ZFP14: variants seen among roughly 807,000 people sequenced by gnomAD.
The protein encoded by ZFP14 is ZFP14 zinc finger protein.
ZFP14 carries 22 observed loss-of-function variants against 54.5 expected under a neutral mutation model. The observed-to-expected ratio is 0.40, with a 90% confidence interval of 0.29 to 0.58. The LOEUF is 0.58. Ranked by LOEUF, ZFP14 falls within the 20% of genes least tolerant of loss-of-function variation. ZFP14 has a pLI of 0.39. For synonymous variants in ZFP14, 159 were observed against 204.0 expected (o/e 0.78, Z 1.88); for missense variants, 470 against 637.8 (o/e 0.74, Z 2.83).
chr19:36,378,361 A>G (rs544436342), intron 1 of ZFP14: 1 of 152,372 alleles, frequency 6.6e-6, no homozygotes, highest in Admixed American at 6.5e-5. Flanking sequence ...ATGCCATTTT[A>G]CAACTACTGC....
rs1451583522 is a variant in ZFP14, at chr19:36,334,794, T to C, written c.*5430A>G. ...TGAGAATTCCACAATAAATTTGAGATACACTCAGTTAAATAAAAATGTCTT... is the reference window on the plus strand; with the variant it reads ...TGAGAATTCCACAATAAATTTGAGACACACTCAGTTAAATAAAAATGTCTT... On this transcript the variant is annotated 3_prime_UTR_variant, in exon 5 of 5. Transcript: ENST00000270001. 1 of 152,264 alleles carries C rather than the reference T, an allele frequency of 6.6e-6. No individual in the cohort carries two copies. The highest frequency in any genetic ancestry group is 2.4e-5 in the African/African-American group (1 of 41,460). 9.4% of individuals were successfully genotyped at this position (152,264 alleles called of 1,614,324 possible).
intron 4 of ZFP14, among the ~76,000 whole-genome samples, chr19:36,357,748 G>GTT (rs113818091): frequency 1.4e-5 from 2 of 142,318 alleles, no homozygotes; most frequent in East Asian, 2.0e-4. Context: ...TTTGTTTTTT[G>GTT]TTTTTTTTTT....
At chr19:36,355,397 GC>G (rs1212844194) in intron 4 of ZFP14, among the ~76,000 whole-genome samples, 1 of 142,938 alleles carries the variant, frequency 7.0e-6, no homozygotes, top group African/African-American at 2.6e-5. Flanking sequence ...GAAGAAGAGG[GC>G]CAGGTGCAGT....
intron 2 of ZFP14, among the ~76,000 whole-genome samples, chr19:36,366,261 CTG>C (rs1185814380): frequency 6.6e-6 from 1 of 151,566 alleles, no homozygotes; most frequent in African/African-American, 2.4e-5. Flanking sequence ...GAGCGAGACT[CTG>C]TCTCAAAAAA....
At chr19:36,377,704 G>C (rs1444813861) in intron 1 of ZFP14, among the ~76,000 whole-genome samples, 3 of 152,242 alleles carry the variant, frequency 2.0e-5, no homozygotes, top group Admixed American at 1.3e-4. Context: ...CTGGAGGCCG[G>C]GTGCGGTGGC....
intron 2 of ZFP14, among the ~76,000 whole-genome samples, chr19:36,363,352 C>T (rs2031741374): frequency 6.6e-6 from 1 of 151,846 alleles, no homozygotes; most frequent in Non-Finnish European, 1.5e-5. Flanking sequence ...CGCCACCACG[C>T]CCGGCTAATT....
intron 2 of ZFP14, among the ~76,000 whole-genome samples, chr19:36,367,355 G>A (rs1009900603): frequency 2.6e-5 from 4 of 152,184 alleles, no homozygotes; most frequent in Admixed American, 6.5e-5. Flanking sequence ...TCTCATTTCC[G>A]CTTTCTCACA....
intron 4 of ZFP14, among the ~76,000 whole-genome samples, chr19:36,343,084 A>G (rs1288650352): frequency 1.3e-5 from 2 of 152,176 alleles, no homozygotes; most frequent in African/African-American, 4.8e-5. Flanking sequence ...GCCCTGTTTT[A>G]AGTGTGGATA....
At chr19:36,370,589 T>A (rs961182256) in intron 1 of ZFP14, among the ~76,000 whole-genome samples, 2 of 152,236 alleles carry the variant, frequency 1.3e-5, no homozygotes, top group Non-Finnish European at 2.9e-5. Context: ...CCAGTCACAG[T>A]GGTCTCAGGC....
At chr19:36,357,335 G>A (rs1432085468) in intron 4 of ZFP14, among the ~76,000 whole-genome samples, 4 of 152,122 alleles carry the variant, frequency 2.6e-5, no homozygotes, top group Non-Finnish European at 2.9e-5. Context: ...AAGCCACTGC[G>A]CCCGGTCTGA....
chr19:36,341,615 A>G lies in ZFP14; in HGVS notation c.236-25T>C. The G allele has an allele frequency of 6.5e-7, 1 of 1,528,400 alleles. No homozygotes were observed. The highest frequency in any genetic ancestry group is 1.4e-5 in the African/African-American group (1 of 71,938). 94.7% of individuals were successfully genotyped at this position (1,528,400 alleles called of 1,614,324 possible). A position where few individuals can be genotyped will look rare whatever the true frequency, so the allele number is the denominator to read the frequency against. On this transcript the variant is annotated intron_variant, in intron 4 of 4. Transcript: ENST00000270001. The surrounding 1 kb of genome is among the most constrained non-coding windows in gnomAD (Gnocchi z 4.2). ...TCTGAAAGAAAACAAGAAAGCAAAT[A>G]CATACTGTTTTCCTGTTCCAGAAAG...
intron 4 of ZFP14, among the ~76,000 whole-genome samples, chr19:36,351,297 A>G (rs2031520459): frequency 7.0e-6 from 1 of 142,560 alleles, no homozygotes; most frequent in African/African-American, 2.6e-5. Context: ...TCAGGAGTTC[A>G]AGACCAGCCT....
intron 4 of ZFP14, among the ~76,000 whole-genome samples, chr19:36,347,877 A>G (rs1203541069): frequency 6.6e-6 from 1 of 152,094 alleles, no homozygotes; most frequent in East Asian, 1.9e-4. Context: ...CCTGGCCAAC[A>G]TGGTGAAACT....
intron 1 of ZFP14, among the ~76,000 whole-genome samples, chr19:36,375,046 C>T (rs1168003859): frequency 1.3e-5 from 2 of 151,834 alleles, no homozygotes; most frequent in Non-Finnish European, 2.9e-5. Context: ...GGCAAAAAGT[C>T]TCTGACTGAT....
intron 4 of ZFP14, 110 bp downstream of exon 4, chr19:36,360,325 G>A (rs2031688917): frequency 1.1e-6 from 1 of 884,904 alleles, no homozygotes; most frequent in African/African-American, 1.7e-5. Flanking sequence ...CCATAGGCCA[G>A]GGGCTTTTTG....
chr19:36,375,608 A>G (rs2145566316), intron 1 of ZFP14, among the ~76,000 whole-genome samples: 2 of 141,454 alleles, frequency 1.4e-5, no homozygotes, highest in South Asian at 2.2e-4. Flanking sequence ...CCCAGGCTGG[A>G]GTGCAGTGGT....
chr19:36,347,548 G>A (rs1600069452), intron 4 of ZFP14, among the ~76,000 whole-genome samples: 2 of 151,908 alleles, frequency 1.3e-5, no homozygotes, highest in African/African-American at 4.8e-5. Context: ...GGCAGAGGTT[G>A]CAATGAGCCG....
intron 4 of ZFP14, among the ~76,000 whole-genome samples, chr19:36,349,824 T>G (rs547347095): frequency 1.3e-5 from 2 of 151,124 alleles, no homozygotes; most frequent in African/African-American, 4.9e-5. Context: ...GACATGGATT[T>G]GAAGAAGATT....
chr19:36,357,338 C>T (rs559587922), intron 4 of ZFP14, among the ~76,000 whole-genome samples: 2 of 152,292 alleles, frequency 1.3e-5, no homozygotes, highest in African/African-American at 4.8e-5. Context: ...CCACTGCGCC[C>T]GGTCTGATTT....
Sources: allele counts gnomAD v4.1 joint callset (sites outside exome capture counted in the v4.1 genomes callset), GRCh38; gene constraint gnomAD v4.1.1; non-coding constraint Gnocchi (gnomAD v3.1); transcripts MANE v1.5; gene names NCBI Gene and HGNC (gene_info 2026-07-23, HGNC 2026-07-21).